The following TLK1 variants were observed in gnomAD, a reference collection of about 807,000 sequenced individuals.
TLK1 encodes serine/threonine-protein kinase tousled-like 1.
TLK1 carries 24 observed loss-of-function variants against 105.3 expected under a neutral mutation model. The observed-to-expected ratio is 0.23, with a 90% confidence interval of 0.17 to 0.32. The LOEUF (loss-of-function observed/expected upper bound fraction) is 0.32. Ranked by LOEUF, TLK1 falls within the 10% of genes least tolerant of loss-of-function variation. The pLI, the probability that TLK1 is intolerant of heterozygous loss-of-function variation, is 1.00. For synonymous variants in TLK1, 321 were observed against 310.4 expected, an observed-to-expected ratio of 1.03 and a Z score of -0.36; for missense variants, 558 against 910.5, an observed-to-expected ratio of 0.61 and a Z score of 4.98.
chr2:171,190,114 T>C (rs1693116559), intron 1 of TLK1, among the ~76,000 whole-genome samples: 1 of 152,220 alleles, frequency 6.6e-6, no homozygotes, highest in South Asian at 2.1e-4. Flanking sequence ...ATGACTTTTC[T>C]TTTCCATTCG....
intron 12 of TLK1, among the ~76,000 whole-genome samples, chr2:171,016,708 A>C (rs1456532833): frequency 6.6e-6 from 1 of 152,190 alleles, no homozygotes; most frequent in Non-Finnish European, 1.5e-5. Context: ...AAAGCTTATC[A>C]CACCGGTACC....
chr2:171,028,065 A>C (rs1241628894), intron 12 of TLK1, among the ~76,000 whole-genome samples: 2 of 152,214 alleles, frequency 1.3e-5, no homozygotes, highest in African/African-American at 4.8e-5. Flanking sequence ...CAGGAGGCTG[A>C]AGCACGAAAA....
chr2:171,078,878 C>T (rs1160011242), intron 3 of TLK1, among the ~76,000 whole-genome samples: 2 of 152,212 alleles, frequency 1.3e-5, no homozygotes, highest in African/African-American at 4.8e-5. Context: ...CAATCCTCTA[C>T]ATTCCATCTG....
chr2:171,128,005 T>C (rs1366501167), intron 1 of TLK1, among the ~76,000 whole-genome samples: 1 of 152,200 alleles, frequency 6.6e-6, no homozygotes, highest in Non-Finnish European at 1.5e-5. Flanking sequence ...TGTTCAATTA[T>C]ATAACCCTGT....
Position 171,141,141 on chromosome 2 carries a change from T to C in TLK1, c.139+19149A>G, listed in dbSNP as rs541135520. Among the ~76,000 whole-genome samples, 9 of 152,290 alleles carry C rather than the reference T, an allele frequency of 5.9e-5. No individual in the cohort carries two copies. The South Asian group carries it at 1.9e-3, about 32-fold the overall frequency. ...CAAATTTAAGAATGTTTAATACATG[T>C]ATAACTGGAGTACCAGGAGGAAAGA... is the stretch of plus-strand genomic sequence containing the variant. On this transcript the variant is annotated intron_variant, in intron 1 of 20. Transcript: ENST00000431350.
chr2:171,129,633 G>C (rs1691012165), intron 1 of TLK1, among the ~76,000 whole-genome samples: 1 of 152,014 alleles, frequency 6.6e-6, no homozygotes, highest in African/African-American at 2.4e-5. Flanking sequence ...GTGCCCAGGA[G>C]TTCGAGACCA....
chr2:171,041,491 C>T (rs529879621), intron 11 of TLK1, among the ~76,000 whole-genome samples: 5 of 152,180 alleles, frequency 3.3e-5, no homozygotes, highest in Non-Finnish European at 5.9e-5. Context: ...TGGTGAGCAG[C>T]GGGCCAGCAG....
intron 18 of TLK1, among the ~76,000 whole-genome samples, chr2:171,002,954 T>A (rs1162852530): frequency 6.6e-6 from 1 of 151,404 alleles, no homozygotes; most frequent in Non-Finnish European, 1.5e-5. Flanking sequence ...CCATTTTCAA[T>A]TAGAGATAAA....
intron 1 of TLK1, among the ~76,000 whole-genome samples, chr2:171,177,999 G>A (rs1692863971): frequency 6.6e-6 from 1 of 151,972 alleles, no homozygotes; most frequent in Non-Finnish European, 1.5e-5. Context: ...TCTCCATGTT[G>A]GCCAGGCTGG....
intron 10 of TLK1, among the ~76,000 whole-genome samples, chr2:171,049,147 G>A (rs538225047): frequency 6.6e-6 from 1 of 152,258 alleles, no homozygotes; most frequent in African/African-American, 2.4e-5. Flanking sequence ...GGCAGAGACA[G>A]GGGCAAGGAT....
chr2:171,130,545 TTTAC>T (rs1181098770), intron 1 of TLK1, among the ~76,000 whole-genome samples: 5 of 152,146 alleles, frequency 3.3e-5, no homozygotes, highest in Non-Finnish European at 5.9e-5. Flanking sequence ...CTAAATGATG[TTTAC>T]TTACTAAGTC....
chr2:171,030,463 T>C (rs546648024), intron 11 of TLK1, among the ~76,000 whole-genome samples: 1 of 152,280 alleles, frequency 6.6e-6, no homozygotes, highest in Non-Finnish European at 1.5e-5. Flanking sequence ...AGTGTGAATG[T>C]AGATGAAGTG....
At chr2:171,190,948 G>A (rs1481289033) in intron 1 of TLK1, among the ~76,000 whole-genome samples, 3 of 151,780 alleles carry the variant, frequency 2.0e-5, no homozygotes, top group Non-Finnish European at 4.4e-5. Flanking sequence ...GATCACTTGA[G>A]GTCAGGAGTT....
At chr2:171,108,059 A>G (rs1007819813) in intron 2 of TLK1, among the ~76,000 whole-genome samples, 3 of 120,150 alleles carry the variant, frequency 2.5e-5, no homozygotes, top group East Asian at 2.0e-4. Flanking sequence ...CCCTCTCTCA[A>G]AAAAAAAACA....
rs748207175 is a variant in TLK1, at chr2:171,055,138, G to T, written c.584C>A (p.Ala195Glu). The T allele has an allele frequency of 6.7e-7, 1 of 1,498,736 alleles. No homozygotes were observed. Among genetic ancestry groups the T allele is most frequent in the South Asian group, 1.5e-5 (1 of 68,486 alleles). 92.8% of individuals were successfully genotyped at this position (1,498,736 alleles called of 1,614,324 possible). The change falls in exon 7 of 21, where the codon GCA becomes GAA. Residue 195 changes from alanine (A) to glutamate (E), a missense_variant. Transcript: ENST00000431350. ...TTGTACAATAGGGTGGTCCCCAAATGCTAATGCAGTAGGAGAAGGGCTATT... is the reference window on the plus strand; with the variant it reads ...TTGTACAATAGGGTGGTCCCCAAATTCTAATGCAGTAGGAGAAGGGCTATT... Reference protein sequence around the residue: ...RPNSPSPTALAFGDHPIVQPK... With the variant: ...RPNSPSPTALEFGDHPIVQPK...
At chr2:171,178,837 TTTAAC>T (rs1280924751) in intron 1 of TLK1, among the ~76,000 whole-genome samples, 1 of 152,248 alleles carries the variant, frequency 6.6e-6, no homozygotes, top group Non-Finnish European at 1.5e-5. Context: ...GGGATATCAA[TTTAAC>T]TTAACATTAT....
chr2:171,142,632 T>A (rs1000413284), intron 1 of TLK1, among the ~76,000 whole-genome samples: 1 of 152,092 alleles, frequency 6.6e-6, no homozygotes, highest in African/African-American at 2.4e-5. Flanking sequence ...AAACAAAAAC[T>A]GACAAATTAA....
At chr2:171,030,611 C>CCA (rs1685993757) in intron 11 of TLK1, among the ~76,000 whole-genome samples, 1 of 152,046 alleles carries the variant, frequency 6.6e-6, no homozygotes, top group Non-Finnish European at 1.5e-5. Flanking sequence ...CAGGTTTATG[C>CCA]CACTGGTGGA....
intron 3 of TLK1, among the ~76,000 whole-genome samples, chr2:171,076,386 G>A (rs1023918519): frequency 2.0e-5 from 3 of 151,958 alleles, no homozygotes; most frequent in Admixed American, 1.3e-4. Flanking sequence ...CTTCTACCAC[G>A]GGGTGATGAT....
Sources: gnomAD v4.1 joint callset for allele counts (sites outside exome capture counted in the v4.1 genomes callset) on GRCh38, gnomAD v4.1.1 for gene constraint, MANE v1.5 for transcripts, NCBI Gene and HGNC (gene_info 2026-07-23, HGNC 2026-07-21) for gene names.